Variants in EEA1 observed in about 807,000 individuals in gnomAD.
EEA1 encodes the protein early endosome antigen 1, 162kD.
A neutral mutation model predicts 209.2 loss-of-function variants in EEA1; 111 were observed. That is an observed-to-expected ratio of 0.53 (90% CI 0.45 to 0.62). The LOEUF is 0.62. Ranked by LOEUF, EEA1 falls within the 20% of genes least tolerant of loss-of-function variation. EEA1 has a pLI of 0.00. For synonymous variants in EEA1, 536 were observed against 540.6 expected (o/e 0.99, Z 0.12); for missense variants, 1,343 against 1,530.8 (o/e 0.88, Z 2.05).
At chr12:92,913,455 G>C (rs1455113495) in intron 1 of EEA1, among the ~76,000 whole-genome samples, 2 of 152,086 alleles carry the variant, frequency 1.3e-5, no homozygotes, top group South Asian at 2.1e-4. Context: ...TGAATAGTTT[G>C]CAAGCATTTT....
At position 92,775,225 on chromosome 12, in the gene EEA1, A is replaced by T. The variant is rs1272429172; in HGVS notation, c.*786T>A. Reference sequence around the variant, plus strand: ...CAGCGAGGGTAAGAAGCTTTCTAAGATTCTAAATGGACAATGCGTGGGAGT... The same window carrying T: ...CAGCGAGGGTAAGAAGCTTTCTAAGTTTCTAAATGGACAATGCGTGGGAGT... On this transcript the variant is annotated 3_prime_UTR_variant, in exon 29 of 29. Coordinates refer to ENST00000322349, the MANE Select transcript of EEA1 (RefSeq NM_003566.4). 1 of 151,722 alleles carries T rather than the reference A, an allele frequency of 6.6e-6. No individual in the cohort carries two copies. Among genetic ancestry groups the T allele is most frequent in the Admixed American group, 6.6e-5 (1 of 15,190 alleles). The allele number at this position is 151,722 out of a possible 1,614,324, so 9.4% of individuals were successfully genotyped here.
chr12:92,795,641 A>G (rs1214330972), intron 21 of EEA1, among the ~76,000 whole-genome samples: 2 of 152,210 alleles, frequency 1.3e-5, no homozygotes, highest in African/African-American at 4.8e-5. Flanking sequence ...TAGGAGACAG[A>G]ATGATAGGAA....
chr12:92,819,044 G>A (rs1875924429), intron 14 of EEA1, among the ~76,000 whole-genome samples: 1 of 152,116 alleles, frequency 6.6e-6, no homozygotes, highest in African/African-American at 2.4e-5. Context: ...AGCTAATAAT[G>A]TAAAATGATT....
At chr12:92,791,306 C>T (rs1486560497) in intron 21 of EEA1, among the ~76,000 whole-genome samples, 1 of 152,044 alleles carries the variant, frequency 6.6e-6, no homozygotes, top group Non-Finnish European at 1.5e-5. Flanking sequence ...GCTAAATGCC[C>T]CAATTAAAAG....
At chr12:92,833,905 CAA>C (rs1349301580) in intron 10 of EEA1, among the ~76,000 whole-genome samples, 6 of 151,944 alleles carry the variant, frequency 3.9e-5, no homozygotes, top group African/African-American at 1.2e-4. Flanking sequence ...AAAAAATGAG[CAA>C]AGTCAAGGGG....
Position 92,842,522 on chromosome 12 carries a change from A to G in EEA1, c.858T>C (p.Tyr286=), listed in dbSNP as rs748595410. The change falls in exon 10 of 29, where the codon TAT becomes TAC. Residue 286 remains tyrosine, a synonymous_variant. Coordinates refer to ENST00000322349, the MANE Select transcript of EEA1 (RefSeq NM_003566.4). ...TTTTCAGTTTTTGTAGTTCCTGTAC[A>G]TATACAGCAACTTCCTGGGGGCCTT... is the stretch of plus-strand genomic sequence containing the variant. ...LAKGPQEVAV[Y]VQELQKLKSS... The G allele has an allele frequency of 6.2e-7, 1 of 1,609,380 alleles. No individual in the cohort carries two copies. Among genetic ancestry groups the G allele is most frequent in the Non-Finnish European group, 8.5e-7 (1 of 1,178,398 alleles).
intron 2 of EEA1, among the ~76,000 whole-genome samples, chr12:92,886,345 G>T (rs1316509007): frequency 7.4e-6 from 1 of 135,978 alleles, no homozygotes; most frequent in East Asian, 2.2e-4. Context: ...CTCCAGTCTG[G>T]GTGACAGAGC....
chr12:92,832,852 TA>T lies in EEA1; in HGVS notation c.916-3del. ...TTTCAGCAAGTTTTCTGTCAAGGTC[TA>T]AAATATCAATTTAACAATTTATTTC... On this transcript the variant is annotated splice_region_variant and splice_polypyrimidine_tract_variant and intron_variant, in intron 10 of 28. Transcript: ENST00000322349. 1.3e-6 allele frequency: 2 copies of T among 1,578,296 alleles called. No individual in the cohort carries two copies. The highest frequency in any genetic ancestry group is 1.7e-6 in the Non-Finnish European group (2 of 1,165,622).
chr12:92,929,098 A>T lies in EEA1; in HGVS notation c.-32T>A, dbSNP rs745871235. The T allele has an allele frequency of 6.3e-7, 1 of 1,580,910 alleles. No homozygotes were observed. Among genetic ancestry groups the T allele is most frequent in the Non-Finnish European group, 8.6e-7 (1 of 1,164,710 alleles). On this transcript the variant is annotated 5_prime_UTR_variant, in exon 1 of 29. Coordinates refer to ENST00000322349, the MANE Select transcript of EEA1 (RefSeq NM_003566.4). The stretch of plus-strand genomic sequence containing the variant: ...ACCACCACCCGGCGCCGCCGCGGTG[A>T]CTCTCCAGACCCTGCGCGGGGCCAC...
At chr12:92,830,282 A>T (rs1876567998) in intron 11 of EEA1, among the ~76,000 whole-genome samples, 1 of 152,158 alleles carries the variant, frequency 6.6e-6, no homozygotes, top group South Asian at 2.1e-4. Context: ...GGTAATAAAC[A>T]TAGTACCCAA....
At chr12:92,879,190 T>C (rs990062617) in intron 2 of EEA1, 1 of 327,026 alleles carries the variant, frequency 3.1e-6, no homozygotes, top group East Asian at 9.3e-5. Context: ...TGAGACACTT[T>C]TGGATTCTGG....
intron 1 of EEA1, among the ~76,000 whole-genome samples, chr12:92,918,513 T>C (rs2136784685): frequency 7.7e-6 from 1 of 129,826 alleles, no homozygotes. Flanking sequence ...CATAACGAAA[T>C]GAAGGCAGAA....
At chr12:92,802,767 C>G (rs998171009) in intron 18 of EEA1, 33 bp from the exon 19 acceptor site, 1 of 1,439,198 alleles carries the variant, frequency 6.9e-7, no homozygotes, top group South Asian at 1.4e-5. Flanking sequence ...TTTTAAATAA[C>G]ACATAATTTA....
At chr12:92,844,107 ATTATT>A (rs1877293343) in intron 9 of EEA1, among the ~76,000 whole-genome samples, 1 of 152,134 alleles carries the variant, frequency 6.6e-6, no homozygotes, top group African/African-American at 2.4e-5. Flanking sequence ...TATTTTAATA[ATTATT>A]TTATTTAATA....
chr12:92,832,967 T>C (rs1876730690), intron 10 of EEA1, 117 bp from the exon 11 acceptor site: 12 of 704,896 alleles, frequency 1.7e-5, no homozygotes, highest in Admixed American at 3.3e-5. Flanking sequence ...AATATTAAAA[T>C]ATAAAACAGT....
At position 92,778,078 on chromosome 12, in the gene EEA1, A is replaced by C; in HGVS notation, c.3756T>G (p.Thr1252=). ...GACTAGATTGCCACTCCTTCTTCAC[A>C]GTGCCTAAGTTTTCATTTAATGCTG... The part of the protein sequence containing the change: ...QITALNENLG[T]VKKEWQSSQR... The change falls in exon 26 of 29, where the codon ACT becomes ACG. Residue 1252 remains threonine, a synonymous_variant. Coordinates refer to ENST00000322349, the MANE Select transcript of EEA1 (RefSeq NM_003566.4). 6.2e-7 allele frequency: 1 copy of C among 1,613,444 alleles called. No homozygotes were observed. The highest frequency in any genetic ancestry group is 8.5e-7 in the Non-Finnish European group (1 of 1,179,542).
Position 92,773,958 on chromosome 12 carries a change from AG to A in EEA1, c.*2052del, listed in dbSNP as rs2136643188. On this transcript the variant is annotated 3_prime_UTR_variant, in exon 29 of 29. Coordinates refer to ENST00000322349, the MANE Select transcript of EEA1 (RefSeq NM_003566.4). ...TTTTTTGTGAGTATTTTGGGGGTAA[AG>A]GGGAGACAGACAGAAGGCCTGGAGT... The A allele has an allele frequency of 6.7e-6, 1 of 149,646 alleles. No homozygotes were observed. The highest frequency in any genetic ancestry group is 2.4e-5 in the African/African-American group (1 of 41,080). 9.3% of individuals were successfully genotyped at this position (149,646 alleles called of 1,614,324 possible).
intron 23 of EEA1, 78 bp downstream of exon 23, chr12:92,781,872 A>C: frequency 7.4e-7 from 1 of 1,349,554 alleles, no homozygotes; most frequent in East Asian, 2.3e-5. Context: ...GCCTGTACTA[A>C]ATAAGAGGTT....
Position 92,809,176 on chromosome 12 carries a change from T to C in EEA1, c.2200-20A>G, listed in dbSNP as rs1592713472. ...TAGTTTCTATGAAAGAAATATGATA[T>C]GGCAGCCATTTTAATATTAGTAATT... On this transcript the variant is annotated intron_variant, in intron 17 of 28. Coordinates refer to ENST00000322349, the MANE Select transcript of EEA1 (RefSeq NM_003566.4). 3 of 1,529,572 alleles carry C rather than the reference T, an allele frequency of 2.0e-6. No homozygotes were observed. The highest frequency in any genetic ancestry group is 1.3e-5 in the South Asian group (1 of 75,618). 94.8% of individuals were successfully genotyped at this position (1,529,572 alleles called of 1,614,324 possible).
Sources: gnomAD v4.1 joint callset for allele counts (sites outside exome capture counted in the v4.1 genomes callset) on GRCh38, gnomAD v4.1.1 for gene constraint, MANE v1.5 for transcripts, NCBI Gene and HGNC (gene_info 2026-07-23, HGNC 2026-07-21) for gene names.